ACAA1: variants seen among roughly 807,000 people sequenced by gnomAD.
The protein encoded by ACAA1 is 3-ketoacyl-CoA thiolase, peroxisomal.
Under a neutral mutation model 48.8 loss-of-function variants are expected in ACAA1, and 44 were observed. The ratio of observed to expected loss-of-function variants is 0.90; its 90% CI spans 0.71 to 1.16. The LOEUF is 1.16. Ranked by LOEUF, ACAA1 falls within the 50% of genes most tolerant of loss-of-function variation. The pLI is 0.00. For synonymous variants in ACAA1, 233 were observed against 226.5 expected, an observed-to-expected ratio of 1.03 and a Z score of -0.26; for missense variants, 512 against 562.3, an observed-to-expected ratio of 0.91 and a Z score of 0.90.
At chr3:38,131,572 G>A in intron 5 of ACAA1, 24 bp downstream of exon 5, 1 of 1,613,232 alleles carries the variant, frequency 6.2e-7, no homozygotes, top group African/African-American at 1.3e-5. Context: ...TGGTTAATAA[G>A]CTCCGGCAGA....
Position 38,126,325 on chromosome 3 carries a change from C to T in ACAA1, c.834G>A (p.Val278=). 6.2e-7 allele frequency: 1 copy of T among 1,613,866 alleles called. No homozygotes were observed. The highest frequency in any genetic ancestry group is 8.5e-7 in the Non-Finnish European group (1 of 1,179,856). The stretch of plus-strand genomic sequence containing the variant: ...GCAGGATGGCAGCTGCCCCATCACT[C>T]ACCTGGCTAGAGTTTCCTAGGGGCA... ...GSTTAGNSSQ[V]SDGAAAILLA... is the part of the protein sequence containing the mutation. The change falls in exon 9 of 12, where the codon GTG becomes GTA. Residue 278 remains valine, a synonymous_variant. Transcript: ENST00000333167. This position sits in a 1 kb window ranked among gnomAD's most constrained non-coding sequence, Gnocchi z 4.7.
At chr3:38,128,151 CA>C (rs763193829) in intron 6 of ACAA1, among the ~76,000 whole-genome samples, 51 of 152,268 alleles carry the variant, frequency 3.3e-4, no homozygotes, top group South Asian at 1.2e-3. Context: ...TGCATGGGGG[CA>C]GTTGCAGAAA....
Position 38,126,367 on chromosome 3 carries a change from A to G in ACAA1, c.818-26T>C. 6.2e-7 allele frequency: 1 copy of G among 1,610,744 alleles called. No homozygotes were observed. ...CTAGGGGCAAACTGTTGGGGTAAGA[A>G]GGCATCGGGGTGGGGATGAGGAGAT... On this transcript the variant is annotated intron_variant, in intron 8 of 11. Coordinates refer to ENST00000333167, the MANE Select transcript of ACAA1 (RefSeq NM_001607.4). The surrounding 1 kb of genome is among the most constrained non-coding windows in gnomAD (Gnocchi z 4.7).
In ACAA1 at chr3:38,136,954, T is replaced by C; in HGVS notation, c.82A>G (p.Ser28Gly). Reference protein sequence around the residue: ...GWMPQAAPCLSGAPQASAADV... With the variant: ...GWMPQAAPCLGGAPQASAADV... ...GCGGCCGAGGCCTGCGGGGCACCGCTCAGGCAAGGCGCGGCCTGCGGCATC... is the reference window on the plus strand; with the variant it reads ...GCGGCCGAGGCCTGCGGGGCACCGCCCAGGCAAGGCGCGGCCTGCGGCATC... Residue 28 changes from serine (S) to glycine (G), a missense_variant, in exon 1 of 12, where the codon AGC becomes GGC. Coordinates refer to ENST00000333167, the MANE Select transcript of ACAA1 (RefSeq NM_001607.4). The C allele has an allele frequency of 6.5e-7, 1 of 1,549,316 alleles. No homozygotes were observed. Among genetic ancestry groups the C allele is most frequent in the Non-Finnish European group, 8.7e-7 (1 of 1,149,410 alleles).
intron 11 of ACAA1, chr3:38,125,272 TAGAC>T (rs1475192294): frequency 7.1e-6 from 2 of 283,016 alleles, no homozygotes; most frequent in South Asian, 1.6e-4. Flanking sequence ...TTTGGGATTT[TAGAC>T]AGTAAGGATT....
Position 38,131,954 on chromosome 3 carries a change from C to G in ACAA1, c.375G>C (p.Ser125=), listed in dbSNP as rs150756727. The G allele has an allele frequency of 8.1e-6, 13 of 1,614,010 alleles. No homozygotes were observed. The highest frequency in any genetic ancestry group is 1.0e-5 in the Non-Finnish European group (12 of 1,179,912). Residue 125 remains serine (S), a synonymous_variant, in exon 4 of 12, where the codon TCG becomes TCC. Coordinates refer to ENST00000333167, the MANE Select transcript of ACAA1 (RefSeq NM_001607.4). ...CTATGCTGGCCACTGCCTGTAGCCC[C>G]GACGAACACTGTCTATTGACAGTGG... ...PLSTVNRQCS[S]GLQAVASIAG...
chr3:38,128,746 C>A (rs951978887), intron 6 of ACAA1, among the ~76,000 whole-genome samples: 1 of 152,178 alleles, frequency 6.6e-6, no homozygotes, highest in African/African-American at 2.4e-5. Context: ...CGCTCACCAC[C>A]GCGCCCGGCT....
chr3:38,133,806 C>T, intron 3 of ACAA1, 146 bp downstream of exon 3: 1 of 757,212 alleles, frequency 1.3e-6, no homozygotes, highest in Admixed American at 2.3e-5. Flanking sequence ...GAGGTTGAGT[C>T]CACAAGAGCA....
In ACAA1 at chr3:38,137,083, C is replaced by T; in HGVS notation, c.-48G>A. 6.8e-7 allele frequency: 1 copy of T among 1,459,922 alleles called. No individual in the cohort carries two copies. The highest frequency in any genetic ancestry group is 9.1e-7 in the Non-Finnish European group (1 of 1,095,050). 90.4% of individuals were successfully genotyped at this position (1,459,922 alleles called of 1,614,324 possible). A position where few individuals can be genotyped will look rare whatever the true frequency, so the allele number is the denominator to read the frequency against. The stretch of plus-strand genomic sequence containing the variant: ...CAGCCACCAGTCCGGGAACTGACCG[C>T]GGAGTTAACAGACAGCCGTCCGCAC... On this transcript the variant is annotated 5_prime_UTR_variant, in exon 1 of 12. Coordinates refer to ENST00000333167, the MANE Select transcript of ACAA1 (RefSeq NM_001607.4).
At position 38,122,931 on chromosome 3, in the gene ACAA1, C is replaced by T; in HGVS notation, c.*116G>A. 1 of 1,068,014 alleles carries T rather than the reference C, an allele frequency of 9.4e-7. No individual in the cohort carries two copies. The highest frequency in any genetic ancestry group is 1.8e-5 in the Admixed American group (1 of 54,194). 66.2% of individuals were successfully genotyped at this position (1,068,014 alleles called of 1,614,324 possible). On this transcript the variant is annotated 3_prime_UTR_variant, in exon 12 of 12. Transcript: ENST00000333167. ...ATGAGTTGAAGTGCCTTGATCTGTC[C>T]ACTGCCACCACCACCAGTGCTGAGT... is the stretch of plus-strand genomic sequence containing the variant.
chr3:38,131,679 C>T (rs779818386), intron 4 of ACAA1, 41 bp from the exon 5 acceptor site: 39 of 1,609,620 alleles, frequency 2.4e-5, no homozygotes, highest in Non-Finnish European at 3.2e-5. Context: ...TGCCAGAGTC[C>T]ACCTGTTCTG....
intron 3 of ACAA1, 179 bp from the exon 4 acceptor site, chr3:38,132,184 C>T: frequency 2.0e-6 from 1 of 489,340 alleles, no homozygotes; most frequent in South Asian, 2.2e-5. Flanking sequence ...AGCTACTGGG[C>T]AGACCCCATC....
At chr3:38,125,474 A>G in intron 11 of ACAA1, 91 bp downstream of exon 11, 1 of 1,459,538 alleles carries the variant, frequency 6.9e-7, no homozygotes, top group East Asian at 2.3e-5. Context: ...CGAGATTATG[A>G]TCCAAAGCCC....
chr3:38,124,191 GTA>G (rs1384126370), intron 11 of ACAA1: 2 of 152,206 alleles, frequency 1.3e-5, no homozygotes, highest in East Asian at 3.8e-4. Flanking sequence ...CAGACAAACT[GTA>G]TTCATAAATA....
At chr3:38,131,802 T>A in intron 4 of ACAA1, 124 bp downstream of exon 4, 1 of 1,205,634 alleles carries the variant, frequency 8.3e-7, no homozygotes, top group South Asian at 1.3e-5. Context: ...TAGGGGGCGC[T>A]CCTGCACTCT....
intron 11 of ACAA1, 80 bp from the exon 12 acceptor site, chr3:38,123,202 A>G: frequency 7.2e-7 from 1 of 1,382,812 alleles, no homozygotes; most frequent in Non-Finnish European, 1.0e-6. Flanking sequence ...GAAGGACGTC[A>G]TGGACAAGTA....
intron 11 of ACAA1, chr3:38,125,332 G>A (rs935486214): frequency 1.0e-5 from 4 of 399,310 alleles, no homozygotes; most frequent in Admixed American, 4.4e-5. Context: ...GGGGTAAAGA[G>A]TAGAACATGG....
chr3:38,125,863 A>G lies in ACAA1; in HGVS notation c.1016T>C (p.Val339Ala). Residue 339 changes from valine to alanine, a missense_variant, in exon 10 of 12, where the codon GTG becomes GCG. Physicochemically the swap from Val to Ala is moderately conservative, Grantham distance 64. Transcript: ENST00000333167. ...GGCCTCATTGATCTCGAAGATGTCC[A>G]CGTCACTCACTGTCAGCCCTGCAGA... is the stretch of plus-strand genomic sequence containing the variant. ...LQKAGLTVSDVDIFEINEAFA... is the reference protein window; with the variant it reads ...LQKAGLTVSDADIFEINEAFA... 6.2e-7 allele frequency: 1 copy of G among 1,614,198 alleles called. No homozygotes were observed. The highest frequency in any genetic ancestry group is 1.1e-5 in the South Asian group (1 of 91,088).
rs12485285 is a variant in ACAA1 at position 38,133,659 on chromosome 3, C to G, written c.323+293G>C. On this transcript the variant is annotated intron_variant, in intron 3 of 11. Transcript: ENST00000333167. The stretch of plus-strand genomic sequence containing the variant: ...TCAGCATTCTTACTTGATTACTCAC[C>G]TGACAAATGAGGACAGAGTCCACAC... 2.6e-3 allele frequency: 1,124 copies of G among 438,532 alleles called. 15 individuals carry two copies. The East Asian group carries it at 0.03, about 12-fold the overall frequency. 27.2% of individuals were successfully genotyped at this position (438,532 alleles called of 1,614,324 possible).
Sources: allele counts gnomAD v4.1 joint callset (sites outside exome capture counted in the v4.1 genomes callset), GRCh38; gene constraint gnomAD v4.1.1; non-coding constraint Gnocchi (gnomAD v3.1); transcripts MANE v1.5; gene names NCBI Gene and HGNC (gene_info 2026-07-23, HGNC 2026-07-21).